The following ESYT2 variants were observed in gnomAD, a reference collection of about 807,000 sequenced individuals.
ESYT2 encodes extended synaptotagmin 2, also known as extended synaptotagmin-2.
Under a neutral mutation model 107.2 loss-of-function variants are expected in ESYT2, and 54 were observed. That is an observed-to-expected ratio of 0.50 (90% CI 0.40 to 0.63). The LOEUF is 0.63. ESYT2 is among the 30% of genes least tolerant of loss of function. The probability of loss-of-function intolerance (pLI) is 0.00; values close to 1 mark genes in which losing one functional copy is unlikely to be tolerated. For missense variants in ESYT2, 1,020 were observed against 1,094.5 expected (o/e 0.93, Z 0.96); for synonymous variants, 491 against 434.1 (o/e 1.13, Z -1.63).
chr7:158,798,079 G>A lies in ESYT2; in HGVS notation c.373-3C>T. 6.8e-6 allele frequency: 11 copies of A among 1,613,488 alleles called. No homozygotes were observed. Among genetic ancestry groups the A allele is most frequent in the Non-Finnish European group, 9.3e-6 (11 of 1,179,840 alleles). On this transcript the variant is annotated splice_region_variant and splice_polypyrimidine_tract_variant and intron_variant, in intron 2 of 22. Transcript: ENST00000275418. ...AAAGGCCACATGTGTTTTACAGTCT[G>A]GAAAGGAAAAAGAACTCAGTTTAAA...
chr7:158,825,972 G>A (rs1362900754), intron 1 of ESYT2, among the ~76,000 whole-genome samples: 3 of 149,710 alleles, frequency 2.0e-5, no homozygotes, highest in Non-Finnish European at 4.4e-5. Context: ...ATGCCTCGAG[G>A]CCAAAAGTTT....
At chr7:158,773,475 T>C in intron 6 of ESYT2, 79 bp from the exon 7 acceptor site, 2 of 1,444,030 alleles carry the variant, frequency 1.4e-6, no homozygotes, top group Non-Finnish European at 1.9e-6. Flanking sequence ...GCTTGTTTCT[T>C]TGTAGACAAA....
chr7:158,764,474 A>G (rs1457077676), intron 9 of ESYT2, among the ~76,000 whole-genome samples: 2 of 152,238 alleles, frequency 1.3e-5, no homozygotes, highest in Non-Finnish European at 2.9e-5. Context: ...GGTTTAAAAC[A>G]TTACTTGTTG....
chr7:158,787,209 A>G (rs1045119869), intron 6 of ESYT2, among the ~76,000 whole-genome samples: 1 of 152,234 alleles, frequency 6.6e-6, no homozygotes, highest in Non-Finnish European at 1.5e-5. Context: ...AACAAATAGT[A>G]TTAACTACTG....
intron 1 of ESYT2, among the ~76,000 whole-genome samples, chr7:158,802,141 TA>T (rs1222819412): frequency 1.3e-5 from 2 of 152,256 alleles, no homozygotes; most frequent in East Asian, 3.9e-4. Context: ...TATCCAAACA[TA>T]AAAAAATTGA....
intron 1 of ESYT2, among the ~76,000 whole-genome samples, chr7:158,807,388 C>A (rs73730002): frequency 5.3e-5 from 8 of 152,052 alleles, no homozygotes; most frequent in African/African-American, 1.7e-4. Context: ...TATGTATCTC[C>A]TAGGAGCTTA....
chr7:158,779,406 CCAAA>C (rs769925226), intron 6 of ESYT2, among the ~76,000 whole-genome samples: 3 of 152,116 alleles, frequency 2.0e-5, no homozygotes, highest in Non-Finnish European at 4.4e-5. Context: ...AAAAAAGAAG[CCAAA>C]CAGACACACT....
At chr7:158,812,119 C>T (rs976744956) in intron 1 of ESYT2, among the ~76,000 whole-genome samples, 9 of 152,324 alleles carry the variant, frequency 5.9e-5, no homozygotes, top group East Asian at 1.9e-4. Flanking sequence ...AGCCACAGGC[C>T]GGCTCAGACC....
At position 158,803,360 on chromosome 7, in the gene ESYT2, T is replaced by C. The variant is rs1023872484; in HGVS notation, c.331-4288A>G. 3.3e-5 allele frequency among the ~76,000 whole-genome samples: 5 copies of C among 152,284 alleles called. No homozygotes were observed. In the East Asian group the frequency reaches 9.6e-4, roughly 29 times the overall value. On this transcript the variant is annotated intron_variant, in intron 1 of 22. Coordinates refer to ENST00000275418, the MANE Select transcript of ESYT2 (RefSeq NM_001367773.1). ...ATAAGGCAAAAAGGACCAGAGAACCTCGGTTCTACAAGAACATGAGACGCC... is the reference window on the plus strand; with the variant it reads ...ATAAGGCAAAAAGGACCAGAGAACCCCGGTTCTACAAGAACATGAGACGCC...
In ESYT2 at chr7:158,779,883, G is replaced by A. The variant is rs559316181; in HGVS notation, c.748-6487C>T. Among the ~76,000 whole-genome samples, 16 of 152,306 alleles carry A rather than the reference G, an allele frequency of 1.1e-4. 1 individual carries two copies. In the South Asian group the frequency reaches 3.3e-3, roughly 32 times the overall value. ...TGAACAAGGGGTTCTTGGCCCTGGG[G>A]TGGAGAGGGGCAGTCCTCTGCTACA... On this transcript the variant is annotated intron_variant, in intron 6 of 22. Transcript: ENST00000275418.
intron 1 of ESYT2, among the ~76,000 whole-genome samples, chr7:158,821,711 G>A (rs1357586399): frequency 6.6e-6 from 1 of 152,192 alleles, no homozygotes; most frequent in East Asian, 1.9e-4. Context: ...CCCAGAGTAA[G>A]TCCCAAGCTG....
intron 3 of ESYT2, among the ~76,000 whole-genome samples, chr7:158,796,662 A>G (rs1022753118): frequency 3.3e-5 from 5 of 152,238 alleles, no homozygotes; most frequent in Non-Finnish European, 7.3e-5. Context: ...GGAGGCTGAC[A>G]TGGCCAAGAC....
intron 16 of ESYT2, 135 bp from the exon 17 acceptor site, chr7:158,743,813 G>A (rs2129471449): frequency 2.0e-6 from 2 of 985,188 alleles, no homozygotes; most frequent in East Asian, 3.3e-5. Context: ...AGGTGGGGTG[G>A]CTCACGCCTG....
At chr7:158,743,731 C>A (rs71547566) in intron 16 of ESYT2, 53 bp from the exon 17 acceptor site, 46 of 1,560,230 alleles carry the variant, frequency 2.9e-5, no homozygotes, top group Non-Finnish European at 3.8e-5. Context: ...GTCTGCAGAA[C>A]CTTTCTACGT....
intron 16 of ESYT2, 26 bp downstream of exon 16, chr7:158,748,168 T>C: frequency 6.2e-7 from 1 of 1,602,770 alleles, no homozygotes; most frequent in South Asian, 1.1e-5. Context: ...TGTCAATAAA[T>C]TGGTTAAAAA....
At chr7:158,803,013 T>C (rs1839689239) in intron 1 of ESYT2, among the ~76,000 whole-genome samples, 1 of 152,252 alleles carries the variant, frequency 6.6e-6, no homozygotes, top group African/African-American at 2.4e-5. Flanking sequence ...AAATTCTTAC[T>C]GGAAGCAATG....
At chr7:158,737,213 G>A in intron 19 of ESYT2, 34 bp from the exon 20 acceptor site, 1 of 1,599,316 alleles carries the variant, frequency 6.3e-7, no homozygotes, top group Non-Finnish European at 8.5e-7. Flanking sequence ...CGAGGTATTA[G>A]GACCGAGAAA....
intron 1 of ESYT2, among the ~76,000 whole-genome samples, chr7:158,823,451 C>A (rs1351096202): frequency 1.3e-5 from 2 of 150,586 alleles, no homozygotes; most frequent in Non-Finnish European, 3.0e-5. Flanking sequence ...CTCAGCCTCC[C>A]GAGTAGCTGG....
chr7:158,776,609 T>G (rs1167943686), intron 6 of ESYT2, among the ~76,000 whole-genome samples: 1 of 152,234 alleles, frequency 6.6e-6, no homozygotes, highest in East Asian at 1.9e-4. Flanking sequence ...TTGCTGTGGA[T>G]TAGGCTCTGC....
Sources: gnomAD v4.1 joint callset for allele counts (sites outside exome capture counted in the v4.1 genomes callset) on GRCh38, gnomAD v4.1.1 for gene constraint, MANE v1.5 for transcripts, NCBI Gene and HGNC (gene_info 2026-07-23, HGNC 2026-07-21) for gene names.